Variants in DMD observed in about 807,000 individuals in gnomAD.
DMD encodes the protein dystrophin.
Under a neutral mutation model 330.1 loss-of-function variants are expected in DMD, and 63 were observed. The observed-to-expected ratio is 0.19, with a 90% confidence interval of 0.16 to 0.24. The LOEUF (loss-of-function observed/expected upper bound fraction) is 0.24, where lower values mean the gene tolerates loss of function less well. Among genes scored for constraint, DMD ranks in the 10% least tolerant of loss-of-function variants. The pLI, the probability that DMD is intolerant of heterozygous loss-of-function variation, is 1.00. For missense variants in DMD, 3,344 were observed against 2,684.1 expected (o/e 1.25, Z -5.43); for synonymous variants, 1,223 against 959.8 (o/e 1.27, Z -5.07).
chrX:32,577,434 T>G (rs2149162493), intron 13 of DMD, among the ~76,000 whole-genome samples: 1 of 112,712 alleles, frequency 8.9e-6, no homozygotes, highest in East Asian at 2.8e-4. Context: ...CAAGAAATAC[T>G]TGGCTAAATG....
At chrX:32,989,229 CA>C (rs1269843329) in intron 2 of DMD, among the ~76,000 whole-genome samples, 3 of 111,251 alleles carry the variant, frequency 2.7e-5, no homozygotes, top group Admixed American at 1.9e-4. Flanking sequence ...GAACATATGT[CA>C]AACAGAGAAA....
chrX:31,930,879 G>T lies in DMD; in HGVS notation c.6763-1134C>A, dbSNP rs568852795. The stretch of plus-strand genomic sequence containing the variant: ...GAAAAGACTGAGTTCATTGTTCTAG[G>T]GTATAACCATCTTCAAATGATTCCC... On this transcript the variant is annotated intron_variant, in intron 46 of 78. Transcript: ENST00000357033. 4.5e-5 allele frequency among the ~76,000 whole-genome samples: 5 copies of T among 112,022 alleles called. No homozygotes were observed. The South Asian group carries it at 1.8e-3, about 41-fold the overall frequency.
At chrX:32,248,640 A>T (rs1291464649) in intron 43 of DMD, among the ~76,000 whole-genome samples, 26 of 110,384 alleles carry the variant, frequency 2.4e-4, no homozygotes, top group Non-Finnish European at 1.9e-5. Flanking sequence ...CATTGCAAAC[A>T]CAATACTATT....
At chrX:31,779,790 C>T (rs1569399200) in intron 50 of DMD, among the ~76,000 whole-genome samples, 1 of 110,344 alleles carries the variant, frequency 9.1e-6, no homozygotes. Context: ...TACTATGTAG[C>T]ATAATACCTT....
intron 16 of DMD, among the ~76,000 whole-genome samples, chrX:32,555,533 C>G (rs559713274): frequency 3.9e-4 from 43 of 111,404 alleles, no homozygotes; most frequent in African/African-American, 1.1e-3. Flanking sequence ...AACCTATATC[C>G]AGAAAACCCC....
At chrX:31,350,218 T>A (rs753288152) in intron 60 of DMD, among the ~76,000 whole-genome samples, 4 of 111,524 alleles carry the variant, frequency 3.6e-5, no homozygotes, top group African/African-American at 1.3e-4. Flanking sequence ...ATATAACTCT[T>A]GTGCGTGGCT....
chrX:32,666,919 G>C (rs1357387064), intron 9 of DMD, among the ~76,000 whole-genome samples: 1 of 110,183 alleles, frequency 9.1e-6, no homozygotes, highest in Non-Finnish European at 1.9e-5. Flanking sequence ...CCTCCTTCTG[G>C]GCATATACAC....
intron 74 of DMD, among the ~76,000 whole-genome samples, chrX:31,162,540 C>G (rs58111903): frequency 0.018 from 2,019 of 109,287 alleles, 67 homozygotes; most frequent in South Asian, 0.14. Context: ...TGCCAAGATT[C>G]TAGGCTCACC....
intron 61 of DMD, among the ~76,000 whole-genome samples, chrX:31,340,936 A>C (rs2057696327): frequency 8.9e-6 from 1 of 112,213 alleles, no homozygotes; most frequent in Non-Finnish European, 1.9e-5. Flanking sequence ...TTGATTATTT[A>C]TCACTCGTTA....
chrX:31,608,153 A>C (rs1268421808), intron 55 of DMD, among the ~76,000 whole-genome samples: 1 of 112,191 alleles, frequency 8.9e-6, no homozygotes, highest in African/African-American at 3.2e-5. Context: ...GTTAAACCAG[A>C]AGTTCATGTT....
intron 2 of DMD, among the ~76,000 whole-genome samples, chrX:32,857,252 TTACTA>T (rs2081652141): frequency 8.9e-6 from 1 of 111,856 alleles, no homozygotes; most frequent in Non-Finnish European, 1.9e-5. Flanking sequence ...CAAAGCAACT[TTACTA>T]TACATAATAT....
chrX:32,745,459 G>T lies in DMD; in HGVS notation c.650-46166C>A, dbSNP rs148765560. ...GCACAAAAGCATATTTTCAGGCAAA[G>T]GTAAAAATAATTGTAGGAATGATGG... is the stretch of plus-strand genomic sequence containing the variant. On this transcript the variant is annotated intron_variant, in intron 7 of 78. Transcript: ENST00000357033. Among the ~76,000 whole-genome samples, 727 of 111,990 alleles carry T rather than the reference G, an allele frequency of 6.5e-3. 8 individuals carry two copies. Among genetic ancestry groups the T allele is most frequent in the African/African-American group, 0.023 (699 of 30,884 alleles).
intron 78 of DMD, among the ~76,000 whole-genome samples, chrX:31,123,493 G>A (rs1405966715): frequency 8.9e-6 from 1 of 111,954 alleles, no homozygotes; most frequent in African/African-American, 3.2e-5. Flanking sequence ...ACAGGAAGAC[G>A]ACACAGTGGG....
intron 20 of DMD, among the ~76,000 whole-genome samples, chrX:32,486,538 G>A (rs1022999414): frequency 1.6e-4 from 18 of 110,664 alleles, no homozygotes; most frequent in Admixed American, 2.9e-4. Context: ...AGCCCGCATC[G>A]CCAAGTCAAT....
At chrX:33,007,234 A>G (rs752166528) in intron 2 of DMD, among the ~76,000 whole-genome samples, 2 of 110,458 alleles carry the variant, frequency 1.8e-5, no homozygotes, top group South Asian at 7.6e-4. Context: ...TGTCCTTCTA[A>G]TACCACTCCA....
chrX:33,267,112 G>C (rs111328844), intron 1 of DMD, among the ~76,000 whole-genome samples: 2,144 of 111,055 alleles, frequency 0.019, 64 homozygotes, highest in African/African-American at 0.067. Context: ...CCACCAAAAG[G>C]CTACTAGAAC....
chrX:32,344,247 TAATA>T (rs1191680205), intron 39 of DMD, among the ~76,000 whole-genome samples: 2 of 111,694 alleles, frequency 1.8e-5, no homozygotes, highest in Admixed American at 9.6e-5. Flanking sequence ...AGCGAAAAAA[TAATA>T]AATATCAGGG....
chrX:32,333,885 T>C (rs780964074), intron 41 of DMD, among the ~76,000 whole-genome samples: 1 of 111,961 alleles, frequency 8.9e-6, no homozygotes, highest in African/African-American at 3.2e-5. Context: ...CGTAAGATGA[T>C]TTGATCATTC....
intron 44 of DMD, among the ~76,000 whole-genome samples, chrX:31,992,561 C>A (rs1356017548): frequency 9.0e-6 from 1 of 111,126 alleles, no homozygotes; most frequent in Non-Finnish European, 1.9e-5. Flanking sequence ...AAAATAGCTG[C>A]AAAAATATGA....
Sources: gnomAD v4.1 joint callset for allele counts (sites outside exome capture counted in the v4.1 genomes callset) on GRCh38, gnomAD v4.1.1 for gene constraint, MANE v1.5 for transcripts, NCBI Gene and HGNC (gene_info 2026-07-23, HGNC 2026-07-21) for gene names.